Variants in HMGCLL1 observed in about 807,000 individuals in gnomAD.
HMGCLL1 encodes 3-hydroxy-3-methylglutaryl-CoA lyase like 1.
HMGCLL1 carries 36 observed loss-of-function variants against 39.1 expected under a neutral mutation model. The observed-to-expected ratio is 0.92, with a 90% CI of 0.71 to 1.22. The LOEUF is 1.22. Ranked by LOEUF, HMGCLL1 falls within the 50% of genes most tolerant of loss-of-function variation. The pLI, the probability that HMGCLL1 is intolerant of heterozygous loss-of-function variation, is 0.00. For synonymous variants in HMGCLL1, 149 were observed against 144.0 expected (o/e 1.03, Z -0.25); for missense variants, 451 against 416.5 (o/e 1.08, Z -0.72).
chr6:55,455,141 T>C (rs1038888888), intron 7 of HMGCLL1, among the ~76,000 whole-genome samples: 1 of 152,094 alleles, frequency 6.6e-6, no homozygotes, highest in African/African-American at 2.4e-5. Context: ...ATAGAATATT[T>C]TATGATATTA....
chr6:55,496,898 A>T, intron 6 of HMGCLL1, among the ~76,000 whole-genome samples: 1 of 152,126 alleles, frequency 6.6e-6, no homozygotes, highest in East Asian at 1.9e-4. Context: ...AGTTATACCT[A>T]GATTTTTGAC....
At chr6:55,492,950 G>A (rs1247864110) in intron 7 of HMGCLL1, among the ~76,000 whole-genome samples, 2 of 151,788 alleles carry the variant, frequency 1.3e-5, no homozygotes, top group South Asian at 2.1e-4. Flanking sequence ...GTACAGTATC[G>A]ATCTCTCCCC....
chr6:55,506,866 G>A lies in HMGCLL1; in HGVS notation c.542+7182C>T, dbSNP rs994011208. Among the ~76,000 whole-genome samples the A allele has an allele frequency of 6.6e-5, 10 of 151,546 alleles. No homozygotes were observed. The East Asian group carries it at 1.5e-3, about 23-fold the overall frequency. ...GAAAAAAAAAATATTGTATGATGAA[G>A]TTGCTAACATCTATGGTAAGAATAT... On this transcript the variant is annotated intron_variant, in intron 5 of 8. Coordinates refer to ENST00000274901, the MANE Select transcript of HMGCLL1 (RefSeq NM_001042406.2).
intron 2 of HMGCLL1, 96 bp from the exon 3 acceptor site, chr6:55,541,932 T>C: frequency 1.1e-6 from 1 of 945,976 alleles, no homozygotes. Flanking sequence ...GTATTATTTG[T>C]AATTTACAAA....
chr6:55,436,245 T>C (rs1763369569), intron 8 of HMGCLL1, among the ~76,000 whole-genome samples: 1 of 152,164 alleles, frequency 6.6e-6, no homozygotes, highest in East Asian at 1.9e-4. Context: ...CATATATATT[T>C]TTTAAACCAA....
At chr6:55,483,917 A>C (rs4260755) in intron 7 of HMGCLL1, among the ~76,000 whole-genome samples, 104,928 of 152,034 alleles carry the variant, frequency 0.69, 36,871 homozygotes, top group African/African-American at 0.82. Flanking sequence ...AGAGACAGAC[A>C]CAATTTAAGC....
Position 55,514,147 on chromosome 6 carries a change from G to C in HMGCLL1, c.443C>G (p.Ser148Cys). The C allele has an allele frequency of 6.2e-7, 1 of 1,612,024 alleles. No homozygotes were observed. Among genetic ancestry groups the C allele is most frequent in the Non-Finnish European group, 8.5e-7 (1 of 1,179,106 alleles). Residue 148 changes from serine (S) to cysteine (C), a missense_variant, in exon 5 of 9, where the codon TCC becomes TGC. Coordinates refer to ENST00000274901, the MANE Select transcript of HMGCLL1 (RefSeq NM_001042406.2). ...ACAGTTAATATTCTTCTTGCTAAAG[G>C]ATTCAGATGCAGCTCCAAAAACTGA... ...EISVFGAASE[S>C]FSKKNINCSI...
chr6:55,556,705 G>T (rs113127207), intron 1 of HMGCLL1, among the ~76,000 whole-genome samples: 104 of 152,226 alleles, frequency 6.8e-4, no homozygotes, highest in African/African-American at 2.5e-3. Flanking sequence ...CAAAAACAAG[G>T]AGACTAAAAA....
rs556229829 is a variant in HMGCLL1 at position 55,445,849 on chromosome 6, T to A, written c.796-6290A>T. ...CAATATAGCACCAAAATCCACCAGG[T>A]TAAAGTCAAACATTTACAACCCCAC... On this transcript the variant is annotated intron_variant, in intron 7 of 8. Coordinates refer to ENST00000274901, the MANE Select transcript of HMGCLL1 (RefSeq NM_001042406.2). Among the ~76,000 whole-genome samples the A allele has an allele frequency of 2.0e-5, 3 of 152,194 alleles. No homozygotes were observed. In the East Asian group the frequency reaches 5.8e-4, roughly 29 times the overall value.
chr6:55,492,048 T>C (rs9464252), intron 7 of HMGCLL1, among the ~76,000 whole-genome samples: 80,223 of 151,884 alleles, frequency 0.53, 21,446 homozygotes, highest in African/African-American at 0.63. Context: ...TTGTTTCCTA[T>C]CATTGTGGCT....
chr6:55,440,540 GAGA>G (rs967080683), intron 7 of HMGCLL1, among the ~76,000 whole-genome samples: 2 of 152,128 alleles, frequency 1.3e-5, no homozygotes, highest in South Asian at 4.1e-4. Flanking sequence ...TTAATAATAT[GAGA>G]AGAACAGAGG....
chr6:55,623,555 C>T, the HMGCLL1 span, among the ~76,000 whole-genome samples: 4 of 151,544 alleles, frequency 2.6e-5, no homozygotes, highest in South Asian at 8.3e-4. Context: ...TATACATACA[C>T]ATATATATAC....
At chr6:55,636,936 C>G in the HMGCLL1 span, among the ~76,000 whole-genome samples, 1 of 152,062 alleles carries the variant, frequency 6.6e-6, no homozygotes, top group Non-Finnish European at 1.5e-5. Flanking sequence ...CTTTTAAAAC[C>G]TTGAGTTAGT....
chr6:55,669,816 GAAGA>G, the HMGCLL1 span, among the ~76,000 whole-genome samples: 2 of 151,754 alleles, frequency 1.3e-5, no homozygotes, highest in African/African-American at 4.8e-5. Flanking sequence ...TTAAAAGGTA[GAAGA>G]AAGATTTTTA....
upstream of HMGCLL1, among the ~76,000 whole-genome samples, chr6:55,579,787 C>T (rs1237796420): frequency 6.6e-6 from 1 of 152,062 alleles, no homozygotes; most frequent in African/African-American, 2.4e-5. Context: ...ATTATTAAAG[C>T]CCTAAGGACT....
At chr6:55,566,640 A>C (rs1195391489) in intron 1 of HMGCLL1, 2 of 456,104 alleles carry the variant, frequency 4.4e-6, no homozygotes, top group East Asian at 1.4e-4. Flanking sequence ...TGTAAAATAG[A>C]GTCATGTGAA....
intron 7 of HMGCLL1, among the ~76,000 whole-genome samples, chr6:55,472,887 C>G (rs188771560): frequency 6.6e-6 from 1 of 151,434 alleles, no homozygotes; most frequent in East Asian, 1.9e-4. Flanking sequence ...CTGCCTATTT[C>G]TTATTTCCAT....
intron 7 of HMGCLL1, among the ~76,000 whole-genome samples, chr6:55,458,669 A>C (rs1764430656): frequency 6.6e-6 from 1 of 152,216 alleles, no homozygotes; most frequent in Admixed American, 6.5e-5. Flanking sequence ...GACATGTAGC[A>C]GGGCCGTGTC....
At chr6:55,563,134 A>C (rs1771036570) in intron 1 of HMGCLL1, among the ~76,000 whole-genome samples, 1 of 152,220 alleles carries the variant, frequency 6.6e-6, no homozygotes, top group South Asian at 2.1e-4. Context: ...TACAAGAACA[A>C]GTCTATAAGC....
Sources: allele counts gnomAD v4.1 joint callset (sites outside exome capture counted in the v4.1 genomes callset), GRCh38; gene constraint gnomAD v4.1.1; transcripts MANE v1.5; gene names NCBI Gene and HGNC (gene_info 2026-07-23, HGNC 2026-07-21).